NFS1: variants seen among roughly 807,000 people sequenced by gnomAD.
The protein encoded by NFS1 is cysteine desulfurase.
Under a neutral mutation model 57.3 loss-of-function variants are expected in NFS1, and 26 were observed. The observed-to-expected ratio is 0.45, with a 90% confidence interval of 0.33 to 0.63. NFS1 has a LOEUF of 0.63. NFS1 is among the 20% of genes least tolerant of loss of function. The pLI is 0.02. For synonymous variants in NFS1, 209 were observed against 216.3 expected, an observed-to-expected ratio of 0.97 and a Z score of 0.30; for missense variants, 505 against 605.8, an observed-to-expected ratio of 0.83 and a Z score of 1.75.
intron 12 of NFS1, among the ~76,000 whole-genome samples, chr20:35,670,873 G>C (rs1373674071): frequency 2.0e-5 from 3 of 152,142 alleles, no homozygotes; most frequent in Non-Finnish European, 4.4e-5. Context: ...GAAAAATCCA[G>C]AACACAGAAA....
At chr20:35,693,831 G>A (rs1240083655) in intron 4 of NFS1, among the ~76,000 whole-genome samples, 2 of 152,034 alleles carry the variant, frequency 1.3e-5, no homozygotes, top group African/African-American at 4.8e-5. Context: ...GCGTGGTGGT[G>A]GGAGCCTGTA....
chr20:35,689,621 C>T (rs917444235), intron 5 of NFS1, among the ~76,000 whole-genome samples: 1 of 151,240 alleles, frequency 6.6e-6, no homozygotes, highest in Non-Finnish European at 1.5e-5. Flanking sequence ...CAAAAAAACA[C>T]TAGCAAGGCG....
Position 35,696,381 on chromosome 20 carries a change from A to C in NFS1, c.404T>G (p.Ile135Ser). ...SGATESNNIA[I>S]KGVARFYRSR... ...CCTCTGGTTCCCTTCTCTTACCTTA[A>C]TTGCTATGTTGTTGGATTCAGTAGC... Residue 135 changes from isoleucine to serine, a missense_variant, in exon 4 of 13, where the codon ATT becomes AGT. Physicochemically the swap from Ile to Ser is moderately radical, Grantham distance 142. Transcript: ENST00000374092. The C allele has an allele frequency of 6.2e-7, 1 of 1,610,982 alleles. No individual in the cohort carries two copies. Among genetic ancestry groups the C allele is most frequent in the Non-Finnish European group, 8.5e-7 (1 of 1,177,154 alleles).
chr20:35,694,646 T>C (rs1290187169), intron 4 of NFS1: 1 of 151,886 alleles, frequency 6.6e-6, no homozygotes, highest in Non-Finnish European at 1.5e-5. Flanking sequence ...GTGGGGCACT[T>C]TGGGAGGCCG....
At chr20:35,682,644 C>A (rs1278430435) in intron 5 of NFS1, 2 of 152,154 alleles carry the variant, frequency 1.3e-5, no homozygotes, top group African/African-American at 4.8e-5. Context: ...CAAAAATTAG[C>A]TGGGCCTGGT....
At chr20:35,692,758 T>A (rs1358774829) in intron 4 of NFS1, among the ~76,000 whole-genome samples, 1 of 151,856 alleles carries the variant, frequency 6.6e-6, no homozygotes, top group Non-Finnish European at 1.5e-5. Context: ...TCCCAGCACT[T>A]TGGGAGACTG....
Position 35,673,610 on chromosome 20 carries a change from G to A in NFS1, c.1211C>T (p.Ser404Phe), listed in dbSNP as rs1391583286. The change falls in exon 11 of 13, where the codon TCT (serine) becomes TTT (phenylalanine). Residue 404 changes from serine (S) to phenylalanine (F), a missense_variant. Physicochemically the swap from Ser to Phe is radical, Grantham distance 155 (BLOSUM62 -2). Transcript: ENST00000374092. Reference protein sequence around the residue: ...AIGTDEDLAHSSIRFGIGRFT... With the variant: ...AIGTDEDLAHFSIRFGIGRFT... ...AGCTCAACTCACTGACCTGATAGAA[G>A]AGTGCGCTAAATCCTCATCAGTGCC... The A allele has an allele frequency of 3.7e-6, 6 of 1,613,674 alleles. No individual in the cohort carries two copies. Among genetic ancestry groups the A allele is most frequent in the Non-Finnish European group, 5.1e-6 (6 of 1,179,666 alleles).
chr20:35,676,683 T>C (rs1167531984), intron 7 of NFS1, among the ~76,000 whole-genome samples: 2 of 143,858 alleles, frequency 1.4e-5, no homozygotes, highest in Non-Finnish European at 3.0e-5. Flanking sequence ...AGGAGAAGTA[T>C]ATATTTGTTT....
intron 4 of NFS1, among the ~76,000 whole-genome samples, chr20:35,690,813 T>C (rs1378722242): frequency 6.6e-6 from 1 of 152,182 alleles, no homozygotes; most frequent in Non-Finnish European, 1.5e-5. Flanking sequence ...CCCAGGGGTC[T>C]CAAGCTACCC....
chr20:35,674,886 G>T, intron 8 of NFS1, 159 bp downstream of exon 8: 1 of 946,024 alleles, frequency 1.1e-6, no homozygotes, highest in Non-Finnish European at 1.6e-6. Context: ...AGCCCATAAT[G>T]TCTCCCTCAG....
intron 8 of NFS1, 160 bp from the exon 9 acceptor site, chr20:35,674,777 T>G (rs2034713517): frequency 4.4e-6 from 3 of 681,976 alleles, no homozygotes; most frequent in Non-Finnish European, 7.5e-6. Context: ...CTGAGCATAG[T>G]GCCTGGTATG....
Position 35,699,233 on chromosome 20 carries a change from C to T in NFS1, c.56G>A (p.Gly19Glu), listed in dbSNP as rs1448400934. ...RAAVAVTAAPGPKPAAPTRGL... is the reference protein window; with the variant it reads ...RAAVAVTAAPEPKPAAPTRGL... Reference sequence around the variant, plus strand: ...CCGAGTGGGCGCCGCGGGCTTCGGCCCTGGAGCCGCTGTCACCGCCACTGC... The same window carrying T: ...CCGAGTGGGCGCCGCGGGCTTCGGCTCTGGAGCCGCTGTCACCGCCACTGC... Residue 19 changes from glycine to glutamate, a missense_variant, in exon 1 of 13, where the codon GGG becomes GAG. Coordinates refer to ENST00000374092, the MANE Select transcript of NFS1 (RefSeq NM_021100.5). This position sits in a 1 kb window ranked among gnomAD's most constrained non-coding sequence, Gnocchi z 4.4. 4 of 1,432,698 alleles carry T rather than the reference C, an allele frequency of 2.8e-6. No individual in the cohort carries two copies. The East Asian group carries it at 1.2e-4, about 42-fold the overall frequency. The allele number at this position is 1,432,698 out of a possible 1,614,324, so 88.7% of individuals were successfully genotyped here. A position where few individuals can be genotyped will look rare whatever the true frequency, so the allele number is the denominator to read the frequency against.
chr20:35,698,611 G>A, intron 1 of NFS1, 21 bp from the exon 2 acceptor site: 1 of 1,576,692 alleles, frequency 6.3e-7, no homozygotes, highest in Non-Finnish European at 8.6e-7. Flanking sequence ...ATGGAACGGA[G>A]TAGCCAAGTA....
intron 5 of NFS1, among the ~76,000 whole-genome samples, chr20:35,682,492 A>G (rs1173212335): frequency 6.6e-6 from 1 of 152,234 alleles, no homozygotes; most frequent in Non-Finnish European, 1.5e-5. Context: ...ATGATTAGTG[A>G]AAAAAGCCAA....
rs2035135678 is a variant in NFS1, at chr20:35,696,454, C to T, written c.331G>A (p.Ala111Thr). ...AAMERARQQVASLIGADPREI... is the reference protein window; with the variant it reads ...AAMERARQQVTSLIGADPREI... ...CGAGGATCAGCTCCAATCAGAGATG[C>T]TACTTGCTGCAAGCCAAGAAACAGA... The change falls in exon 4 of 13, where the codon GCA becomes ACA. Residue 111 changes from alanine to threonine, a missense_variant. By Grantham distance (58) the Ala-to-Thr change is moderately conservative. Coordinates refer to ENST00000374092, the MANE Select transcript of NFS1 (RefSeq NM_021100.5). 1.9e-6 allele frequency: 3 copies of T among 1,613,312 alleles called. No homozygotes were observed. Among genetic ancestry groups the T allele is most frequent in the Non-Finnish European group, 2.5e-6 (3 of 1,179,430 alleles).
At chr20:35,673,112 A>G (rs1051598635) in intron 11 of NFS1, among the ~76,000 whole-genome samples, 1 of 151,898 alleles carries the variant, frequency 6.6e-6, no homozygotes, top group African/African-American at 2.4e-5. Context: ...ACATGGTGAA[A>G]CCCCGTCTCT....
rs148257561 is a variant in NFS1 at position 35,698,396 on chromosome 20, T to A, written c.207+85A>T. ...CCAGCACACCTTCACGGCTCTCACTTCTCCAGGGATTCAGCCATTTCTTTG... is the reference window on the plus strand; with the variant it reads ...CCAGCACACCTTCACGGCTCTCACTACTCCAGGGATTCAGCCATTTCTTTG... On this transcript the variant is annotated intron_variant, in intron 2 of 12. Coordinates refer to ENST00000374092, the MANE Select transcript of NFS1 (RefSeq NM_021100.5). The A allele has an allele frequency of 8.9e-4, 958 of 1,071,962 alleles. 16 individuals are homozygous for A. The African/African-American group carries it at 0.013, about 14-fold the overall frequency. The allele number at this position is 1,071,962 out of a possible 1,614,324, so 66.4% of individuals were successfully genotyped here. A position where few individuals can be genotyped will look rare whatever the true frequency, so the allele number is the denominator to read the frequency against.
chr20:35,672,055 T>C (rs1366735441), intron 12 of NFS1, among the ~76,000 whole-genome samples: 1 of 146,606 alleles, frequency 6.8e-6, no homozygotes, highest in Non-Finnish European at 1.5e-5. Context: ...ACCTCCCAGG[T>C]TCACGCCATT....
intron 4 of NFS1, among the ~76,000 whole-genome samples, chr20:35,694,138 C>T (rs905039490): frequency 6.7e-6 from 1 of 149,886 alleles, no homozygotes; most frequent in African/African-American, 2.5e-5. Flanking sequence ...AGAATGAGAC[C>T]ATGTCTTTTT....
Sources: gnomAD v4.1 joint callset for allele counts (sites outside exome capture counted in the v4.1 genomes callset) on GRCh38, gnomAD v4.1.1 for gene constraint, Gnocchi (gnomAD v3.1) non-coding constraint, MANE v1.5 for transcripts, NCBI Gene and HGNC (gene_info 2026-07-23, HGNC 2026-07-21) for gene names.